Variants in ZNF831 observed in about 807,000 individuals in gnomAD.
ZNF831 encodes the protein zinc finger protein 831.
In ZNF831, 59 loss-of-function variants were observed where a neutral mutation model predicts 95.8. The ratio of observed to expected loss-of-function variants is 0.62; its 90% CI spans 0.50 to 0.77. The LOEUF (loss-of-function observed/expected upper bound fraction) is 0.77. ZNF831 is among the 30% of genes least tolerant of loss of function. ZNF831 has a pLI of 0.00. For synonymous variants in ZNF831, 961 were observed against 925.5 expected (o/e 1.04, Z -0.70); for missense variants, 2,205 against 2,164.0 (o/e 1.02, Z -0.38).
upstream of ZNF831, among the ~76,000 whole-genome samples, chr20:59,161,157 G>T (rs142509533): frequency 1.6e-4 from 24 of 152,168 alleles, no homozygotes; most frequent in South Asian, 1.9e-3. Context: ...TTAAAGTGTC[G>T]GATTCAGTGG....
At chr20:59,146,297 T>C (rs1358506173) in exon 2 of ZNF831, 3 of 152,194 alleles carry the variant, frequency 2.0e-5, no homozygotes, top group African/African-American at 7.2e-5. Context: ...GCAGGGAGAA[T>C]GCTCCTGCCT....
At chr20:59,195,706 T>G in intron 2 of ZNF831, 163 bp from the exon 3 acceptor site, 1 of 936,608 alleles carries the variant, frequency 1.1e-6, no homozygotes, top group Non-Finnish European at 1.3e-6. Context: ...CGCTCTGCCG[T>G]TGCCTGGTTG....
At chr20:59,166,793 T>C (rs1360175024) in intron 1 of ZNF831, among the ~76,000 whole-genome samples, 1 of 152,238 alleles carries the variant, frequency 6.6e-6, no homozygotes, top group African/African-American at 2.4e-5. Flanking sequence ...TAGTGTTCTG[T>C]GATATGGATG....
rs202026682 is a variant in ZNF831, at chr20:59,193,946, G to A, written c.2927G>A (p.Arg976Gln). ...TGCAGCAGTGGGTGGCCTGAAGAAC[G>A]GGCATCATTTGTTGGGTCAGGACTG... is the stretch of plus-strand genomic sequence containing the variant. ...SLCSSGWPEE[R>Q]ASFVGSGLGT... Residue 976 changes from arginine (R) to glutamine (Q), a missense_variant, in exon 2 of 6, where the codon CGG becomes CAG. Arg to Gln is a conservative substitution (Grantham distance 43, BLOSUM62 1). Coordinates refer to ENST00000371030, the MANE Select transcript of ZNF831 (RefSeq NM_178457.3). 138 of 1,583,112 alleles carry A rather than the reference G, an allele frequency of 8.7e-5. 1 individual carries two copies. In the Middle Eastern group the frequency reaches 1.0e-3, roughly 12 times the overall value.
In ZNF831 at chr20:59,254,666, G is replaced by A. The variant is rs1266945407; in HGVS notation, c.4957G>A (p.Gly1653Arg). The A allele has an allele frequency of 1.9e-6, 3 of 1,614,042 alleles. No individual in the cohort carries two copies. The highest frequency in any genetic ancestry group is 1.3e-5 in the African/African-American group (1 of 74,918). The change falls in exon 6 of 6, where the codon GGA (glycine) becomes AGA (arginine). Residue 1653 changes from glycine (G) to arginine (R), a missense_variant. By Grantham distance (125) the Gly-to-Arg change is moderately radical (BLOSUM62 -2). Coordinates refer to ENST00000371030, the MANE Select transcript of ZNF831 (RefSeq NM_178457.3). The surrounding 1 kb of genome is among the most constrained non-coding windows in gnomAD (Gnocchi z 4.5). The part of the protein sequence containing the change: ...SKSLKKRSLE[G>R]MRKQTRVEFS... Reference sequence around the variant, plus strand: ...ATCCCTCAAGAAGAGGAGTCTGGAAGGAATGAGAAAGCAAACTCGAGTAGA... The same window carrying A: ...ATCCCTCAAGAAGAGGAGTCTGGAAAGAATGAGAAAGCAAACTCGAGTAGA...
intron 1 of ZNF831, among the ~76,000 whole-genome samples, chr20:59,176,831 G>T (rs1455068543): frequency 6.6e-6 from 1 of 152,154 alleles, no homozygotes; most frequent in Non-Finnish European, 1.5e-5. Context: ...TTATATAAAA[G>T]AATAACCATC....
intron 4 of ZNF831, among the ~76,000 whole-genome samples, chr20:59,242,380 G>A (rs1466616157): frequency 6.6e-6 from 1 of 152,114 alleles, no homozygotes; most frequent in Non-Finnish European, 1.5e-5. Flanking sequence ...TCAAACAGTA[G>A]ATACTCTTGA....
At position 59,148,452 on chromosome 20, in the gene ZNF831, C is replaced by T. The variant is rs572878283; in HGVS notation, c.-1281+2078C>T. 2.7e-5 allele frequency among the ~76,000 whole-genome samples: 4 copies of T among 146,864 alleles called. 1 individual carries two copies. Among genetic ancestry groups the T allele is most frequent in the Admixed American group, 6.7e-5 (1 of 14,936 alleles). On this transcript the variant is annotated intron_variant, in intron 2 of 7. Transcript: ENST00000637017. ...ATCCCAGCACTTTGGGAGGCCGAGA[C>T]GGGCAGATCACGAGGTCAGGAGATC...
At chr20:59,246,768 A>T (rs539724790) in intron 4 of ZNF831, among the ~76,000 whole-genome samples, 88 of 152,348 alleles carry the variant, frequency 5.8e-4, no homozygotes, top group African/African-American at 1.9e-3. Context: ...GTTTATGATT[A>T]CTTAGAGGCA....
intron 1 of ZNF831, among the ~76,000 whole-genome samples, chr20:59,127,934 T>C (rs975981981): frequency 2.6e-5 from 4 of 152,198 alleles, no homozygotes; most frequent in Non-Finnish European, 4.4e-5. Flanking sequence ...GCCCATATGG[T>C]GTGCCAAGCC....
At position 59,254,267 on chromosome 20, in the gene ZNF831, G is replaced by T. The variant is rs756283676; in HGVS notation, c.4558G>T (p.Ala1520Ser). ...SAESRDHSQT[A>S]GRTLTSSSPD... ...TGAATCACGAGACCACAGCCAGACT[G>T]CAGGGAGGACTCTGACATCAAGCTC... The change falls in exon 6 of 6, where the codon GCA (alanine) becomes TCA (serine). Residue 1520 changes from alanine to serine, a missense_variant. Coordinates refer to ENST00000371030, the MANE Select transcript of ZNF831 (RefSeq NM_178457.3). The surrounding 1 kb of genome is among the most constrained non-coding windows in gnomAD (Gnocchi z 4.5). The T allele has an allele frequency of 3.1e-6, 5 of 1,613,932 alleles. No individual in the cohort carries two copies. Among genetic ancestry groups the T allele is most frequent in the Non-Finnish European group, 4.2e-6 (5 of 1,179,956 alleles).
intron 1 of ZNF831, among the ~76,000 whole-genome samples, chr20:59,132,286 ACT>A (rs1979371597): frequency 8.0e-6 from 1 of 125,344 alleles, no homozygotes; most frequent in Non-Finnish European, 1.6e-5. Flanking sequence ...TGGAGGTTTA[ACT>A]CTTTTTTTTT....
In ZNF831 at chr20:59,191,370, C is replaced by T. The variant is rs528539007; in HGVS notation, c.351C>T (p.Ile117=). The stretch of plus-strand genomic sequence containing the variant: ...CGGCCCCTACGCTGACGGTGAACAT[C>T]GTGGGCACTCTGCCTGTCCTGTCGC... ...KPAAPTLTVN[I]VGTLPVLSPG... is the part of the protein sequence containing the mutation. Residue 117 remains isoleucine (I), a synonymous_variant, in exon 2 of 6, where the codon ATC becomes ATT. Transcript: ENST00000371030. 3.1e-6 allele frequency: 5 copies of T among 1,608,500 alleles called. No individual in the cohort carries two copies. The highest frequency in any genetic ancestry group is 2.2e-5 in the East Asian group (1 of 44,832).
rs750472260 is a variant in ZNF831 at position 59,192,807 on chromosome 20, G to T, written c.1788G>T (p.Met596Ile). The change falls in exon 2 of 6, where the codon ATG becomes ATT. Residue 596 changes from methionine to isoleucine, a missense_variant. Coordinates refer to ENST00000371030, the MANE Select transcript of ZNF831 (RefSeq NM_178457.3). This position sits in a 1 kb window ranked among gnomAD's most constrained non-coding sequence, Gnocchi z 5.2. ...AGAGAACTGCTGCGCGGGAGGCCAT[G>T]GCCGGCAAGGGCAGAGCGGGCGGCA... ...DAKRTAAREA[M>I]AGKGRAGGRK... The T allele has an allele frequency of 6.2e-7, 1 of 1,611,586 alleles. No homozygotes were observed. The highest frequency in any genetic ancestry group is 8.5e-7 in the Non-Finnish European group (1 of 1,179,248).
In ZNF831 at chr20:59,204,979, C is replaced by T. The variant is rs73915980; in HGVS notation, c.3876-1926C>T. On this transcript the variant is annotated intron_variant, in intron 3 of 5. Transcript: ENST00000371030. ...TGCCAAGGTCCACTTGGGCTGTTCT[C>T]GAAGGCAAAAAGTTTGAAATTCCAC... 9.4e-3 allele frequency among the ~76,000 whole-genome samples: 1,439 copies of T among 152,282 alleles called. 24 individuals carry two copies. The highest frequency in any genetic ancestry group is 0.058 in the Middle Eastern group (17 of 294).
chr20:59,192,158 G>A lies in ZNF831; in HGVS notation c.1139G>A (p.Gly380Asp), dbSNP rs1983616046. 3 of 1,560,210 alleles carry A rather than the reference G, an allele frequency of 1.9e-6. No individual in the cohort carries two copies. The highest frequency in any genetic ancestry group is 2.6e-6 in the Non-Finnish European group (3 of 1,159,520). The change falls in exon 2 of 6, where the codon GGC becomes GAC. Residue 380 changes from glycine to aspartate, a missense_variant. Gly to Asp is a moderately conservative substitution (Grantham distance 94, BLOSUM62 -1). Coordinates refer to ENST00000371030, the MANE Select transcript of ZNF831 (RefSeq NM_178457.3). The surrounding 1 kb of genome is among the most constrained non-coding windows in gnomAD (Gnocchi z 5.2). Reference protein sequence around the residue: ...SAESEGEGGPGPGPGVAGAEP... With the variant: ...SAESEGEGGPDPGPGVAGAEP... ...GAGTCCGAGGGGGAGGGCGGCCCGG[G>A]CCCGGGGCCAGGGGTCGCAGGGGCC...
chr20:59,189,935 G>A (rs1342483916), intron 1 of ZNF831, among the ~76,000 whole-genome samples: 1 of 152,196 alleles, frequency 6.6e-6, no homozygotes, highest in Non-Finnish European at 1.5e-5. Flanking sequence ...TTGGTGATGG[G>A]TATCTGTGGA....
Position 59,193,014 on chromosome 20 carries a change from AG to A in ZNF831, c.1998del (p.Ser667AlafsTer38). Reference protein sequence around the residue: ...LGFPLQKEAAGSSGTVPTQDR... With the variant: ...LGFPLQKEAAXSSGTVPTQDR... The stretch of plus-strand genomic sequence containing the variant: ...GCTTTCCTCTGCAGAAAGAGGCAGC[AG>A]GGAGCTCAGGCACAGTCCCCACCCA... On this transcript the variant is annotated frameshift_variant, in exon 2 of 6. Coordinates refer to ENST00000371030, the MANE Select transcript of ZNF831 (RefSeq NM_178457.3). LOFTEE classifies it high-confidence loss of function. 1 of 1,574,096 alleles carries A rather than the reference AG, an allele frequency of 6.4e-7. No homozygotes were observed. The highest frequency in any genetic ancestry group is 8.6e-7 in the Non-Finnish European group (1 of 1,161,606).
At chr20:59,213,351 G>A (rs555510781) in intron 4 of ZNF831, among the ~76,000 whole-genome samples, 173 of 152,170 alleles carry the variant, frequency 1.1e-3, no homozygotes, top group African/African-American at 3.8e-3. Context: ...TGGTTTTGTC[G>A]TTTTTCCAGA....
Sources: allele counts gnomAD v4.1 joint callset (sites outside exome capture counted in the v4.1 genomes callset), GRCh38; gene constraint gnomAD v4.1.1; non-coding constraint Gnocchi (gnomAD v3.1); transcripts MANE v1.5; gene names NCBI Gene and HGNC (gene_info 2026-07-23, HGNC 2026-07-21).